The following ANK2 variants were observed in gnomAD, a reference collection of about 807,000 sequenced individuals.
ANK2 encodes the protein ankyrin-2.
ANK2 carries 83 observed loss-of-function variants against 360.5 expected under a neutral mutation model. The observed-to-expected ratio is 0.23, with a 90% CI of 0.19 to 0.28. The LOEUF is 0.28. Among genes scored for constraint, ANK2 ranks in the 10% least tolerant of loss-of-function variants. ANK2 has a pLI of 1.00. For synonymous variants in ANK2, 1,740 were observed against 1,759.5 expected, an observed-to-expected ratio of 0.99 and a Z score of 0.28; for missense variants, 4,201 against 4,795.7, an observed-to-expected ratio of 0.88 and a Z score of 3.66.
At chr4:112,867,261 A>G (rs971960962) in intron 1 of ANK2, among the ~76,000 whole-genome samples, 1 of 151,960 alleles carries the variant, frequency 6.6e-6, no homozygotes, top group Non-Finnish European at 1.5e-5. Flanking sequence ...TAAAAGAATT[A>G]TATTAAGATG....
chr4:112,938,565 A>C (rs1189419604), intron 2 of ANK2, among the ~76,000 whole-genome samples: 1 of 152,232 alleles, frequency 6.6e-6, no homozygotes, highest in Admixed American at 6.5e-5. Flanking sequence ...TGGTCATCCC[A>C]AAAATCAAGT....
chr4:112,765,038 A>T, the ANK2 span, among the ~76,000 whole-genome samples: 2 of 152,180 alleles, frequency 1.3e-5, no homozygotes, highest in African/African-American at 2.4e-5. Context: ...CTTTATAAAT[A>T]TTAACTCAAT....
At chr4:112,850,739 A>G (rs1424163880) in intron 1 of ANK2, among the ~76,000 whole-genome samples, 1 of 150,496 alleles carries the variant, frequency 6.6e-6, no homozygotes, top group Non-Finnish European at 1.5e-5. Context: ...GATGATCTCG[A>G]TCTCCTGACC....
At chr4:113,255,625 TCCCCTGCCAC>T in intron 10 of ANK2, 100 bp from the exon 11 acceptor site, 2 of 1,086,630 alleles carry the variant, frequency 1.8e-6, no homozygotes, top group Admixed American at 4.0e-5. Flanking sequence ...AATTATTTTT[TCCCCTGCCAC>T]TAACTGTGTT....
intron 2 of ANK2, among the ~76,000 whole-genome samples, chr4:113,193,743 C>CA (rs1340302391): frequency 6.6e-6 from 1 of 152,146 alleles, no homozygotes; most frequent in South Asian, 2.1e-4. Flanking sequence ...ACTGAGAGGA[C>CA]AAGTTGCACT....
At chr4:113,237,537 T>C in intron 6 of ANK2, 62 bp from the exon 7 acceptor site, 1 of 1,509,762 alleles carries the variant, frequency 6.6e-7, no homozygotes, top group South Asian at 1.1e-5. Flanking sequence ...GCAGATTGAC[T>C]GTTTCCATAA....
intron 13 of ANK2, among the ~76,000 whole-genome samples, chr4:113,263,085 G>A (rs978563227): frequency 2.0e-5 from 3 of 151,286 alleles, no homozygotes; most frequent in Non-Finnish European, 4.4e-5. Flanking sequence ...CTACTTGGGA[G>A]GCTGAGGCAG....
At chr4:113,233,161 G>A (rs2099338633) in intron 5 of ANK2, among the ~76,000 whole-genome samples, 1 of 103,446 alleles carries the variant, frequency 9.7e-6, no homozygotes, top group Non-Finnish European at 1.9e-5. Flanking sequence ...TTGAGACGGA[G>A]TCTCGCTCTG....
intron 1 of ANK2, chr4:112,827,673 A>G (rs1425814822): frequency 1.5e-6 from 1 of 663,860 alleles, no homozygotes; most frequent in Non-Finnish European, 2.6e-6. Context: ...GCATTGTTGC[A>G]CTGTTCTGAA....
intron 1 of ANK2, among the ~76,000 whole-genome samples, chr4:113,133,001 G>A (rs912543423): frequency 6.6e-6 from 1 of 152,174 alleles, no homozygotes; most frequent in Non-Finnish European, 1.5e-5. Context: ...ATGCACTAGA[G>A]TTTTGGTCAT....
chr4:113,247,172 AAAC>A (rs1450076191), intron 9 of ANK2, among the ~76,000 whole-genome samples: 39 of 151,986 alleles, frequency 2.6e-4, no homozygotes, highest in African/African-American at 8.7e-4. Flanking sequence ...AAAAAAAAAA[AAAC>A]AACAACAGAG....
chr4:113,149,917 AG>A (rs2096987429), intron 1 of ANK2, among the ~76,000 whole-genome samples: 1 of 150,644 alleles, frequency 6.6e-6, no homozygotes, highest in African/African-American at 2.4e-5. Context: ...TTGAAAGAAG[AG>A]AAGACATGAC....
chr4:113,090,825 G>T (rs371371967), intron 1 of ANK2, among the ~76,000 whole-genome samples: 2 of 152,188 alleles, frequency 1.3e-5, no homozygotes, highest in Non-Finnish European at 2.9e-5. Flanking sequence ...CGTTAGACGA[G>T]GCACATGCAA....
the ANK2 span, among the ~76,000 whole-genome samples, chr4:112,709,446 T>C: frequency 6.6e-5 from 10 of 152,310 alleles, no homozygotes; most frequent in East Asian, 3.9e-4. Context: ...ACTGAGATTA[T>C]GACATATAAG....
At chr4:113,028,570 G>A (rs9994849) in intron 2 of ANK2, among the ~76,000 whole-genome samples, 30,232 of 151,958 alleles carry the variant, frequency 0.2, 3,255 homozygotes, top group East Asian at 0.36. Flanking sequence ...GGACACAGTG[G>A]AACAAAGGAG....
At chr4:113,141,261 G>T (rs2096625794) in intron 1 of ANK2, 2 of 152,208 alleles carry the variant, frequency 1.3e-5, no homozygotes, top group Non-Finnish European at 1.5e-5. Flanking sequence ...TCTGTCATAT[G>T]CCACAGTGGT....
chr4:112,901,055 A>G (rs1011236627), intron 1 of ANK2, among the ~76,000 whole-genome samples: 7 of 152,196 alleles, frequency 4.6e-5, no homozygotes, highest in Admixed American at 6.5e-5. Context: ...GGAACACACT[A>G]TAAGTTATAA....
At chr4:113,076,365 A>G (rs551477412) in intron 1 of ANK2, among the ~76,000 whole-genome samples, 1 of 152,372 alleles carries the variant, frequency 6.6e-6, no homozygotes, top group Admixed American at 6.5e-5. Flanking sequence ...TTCTTTCGGT[A>G]TCAGTATTAT....
At chr4:113,025,956 TAA>T (rs2059199168) in intron 2 of ANK2, among the ~76,000 whole-genome samples, 1 of 152,192 alleles carries the variant, frequency 6.6e-6, no homozygotes, top group Non-Finnish European at 1.5e-5. Flanking sequence ...TTCTAGTTTA[TAA>T]AATGTAAAAC....
Sources: allele counts gnomAD v4.1 joint callset (sites outside exome capture counted in the v4.1 genomes callset), GRCh38; gene constraint gnomAD v4.1.1; transcripts MANE v1.5; gene names NCBI Gene and HGNC (gene_info 2026-07-23, HGNC 2026-07-21).